The following KANK1 variants were observed in gnomAD, a reference collection of about 807,000 sequenced individuals.
KANK1 encodes the protein KN motif and ankyrin repeat domain-containing protein 1.
Under a neutral mutation model 106.2 loss-of-function variants are expected in KANK1, and 109 were observed. That is an observed-to-expected ratio of 1.03 (90% CI 0.88 to 1.20). The LOEUF is 1.20. Ranked by LOEUF, KANK1 falls within the 50% of genes most tolerant of loss-of-function variation. The probability of loss-of-function intolerance (pLI) is 0.00; values close to 1 mark genes in which losing one functional copy is unlikely to be tolerated. For synonymous variants in KANK1, 873 were observed against 652.2 expected, an observed-to-expected ratio of 1.34 and a Z score of -5.16; for missense variants, 2,399 against 1,710.7, an observed-to-expected ratio of 1.40 and a Z score of -7.10.
At chr9:719,650 C>A (rs962759848) in intron 3 of KANK1, among the ~76,000 whole-genome samples, 1 of 152,162 alleles carries the variant, frequency 6.6e-6, no homozygotes, top group Non-Finnish European at 1.5e-5. Context: ...TGGCTATATA[C>A]CAATAACTAA....
upstream of KANK1, among the ~76,000 whole-genome samples, chr9:504,060 G>A (rs1056545437): frequency 5.3e-5 from 8 of 152,132 alleles, no homozygotes; most frequent in African/African-American, 1.9e-4. Flanking sequence ...CCGTGCTGAC[G>A]AGGCACCTGC....
chr9:574,062 G>A (rs187181487), intron 1 of KANK1, among the ~76,000 whole-genome samples: 4 of 152,362 alleles, frequency 2.6e-5, no homozygotes, highest in Admixed American at 6.5e-5. Flanking sequence ...TGTCTTTATT[G>A]TACTGGAAGG....
rs1388278108 is a variant in KANK1, at chr9:711,565, A to G, written c.799A>G (p.Met267Val). The G allele has an allele frequency of 6.2e-7, 1 of 1,613,910 alleles. No homozygotes were observed. The highest frequency in any genetic ancestry group is 1.7e-5 in the Admixed American group (1 of 59,996). Residue 267 changes from methionine (M) to valine (V), a missense_variant, in exon 3 of 12, where the codon ATG (methionine) becomes GTG (valine). Met to Val is a conservative substitution (Grantham distance 21). Transcript: ENST00000382297. ...PMHLQHIREQ[M>V]AIALKRLKEL... ...GCACCTGCAGCACATCCGCGAGCAG[A>G]TGGCCATTGCTCTGAAACGCCTGAA...
chr9:741,566 G>C (rs1278267325), intron 9 of KANK1, among the ~76,000 whole-genome samples: 2 of 150,752 alleles, frequency 1.3e-5, no homozygotes, highest in Non-Finnish European at 3.0e-5. Context: ...TGGCTCACTG[G>C]AAGCTCTGCC....
At chr9:641,107 T>C (rs542734825) in intron 1 of KANK1, among the ~76,000 whole-genome samples, 1 of 152,274 alleles carries the variant, frequency 6.6e-6, no homozygotes, top group South Asian at 2.1e-4. Flanking sequence ...CAAACCAATT[T>C]TCCATTTATA....
chr9:544,091 G>A (rs1213252065), intron 1 of KANK1, among the ~76,000 whole-genome samples: 1 of 151,908 alleles, frequency 6.6e-6, no homozygotes, highest in Admixed American at 6.6e-5. Context: ...CATGACCATG[G>A]CTCACTGCAA....
intron 3 of KANK1, 104 bp from the exon 4 acceptor site, chr9:729,947 A>G (rs1589251627): frequency 5.0e-6 from 5 of 994,070 alleles, no homozygotes; most frequent in Non-Finnish European, 5.9e-6. Flanking sequence ...GGTGGCTGGG[A>G]TAATAGTCCC....
At chr9:656,193 G>A (rs1224800912) in intron 1 of KANK1, among the ~76,000 whole-genome samples, 3 of 152,156 alleles carry the variant, frequency 2.0e-5, no homozygotes, top group South Asian at 2.1e-4. Context: ...CTTTTATCTG[G>A]CAGGTCCCAC....
chr9:681,571 T>G (rs1817560380), intron 2 of KANK1, among the ~76,000 whole-genome samples: 1 of 152,176 alleles, frequency 6.6e-6, no homozygotes, highest in Admixed American at 6.5e-5. Flanking sequence ...CCTACCTTCT[T>G]CACAAGGTGG....
intron 1 of KANK1, among the ~76,000 whole-genome samples, chr9:607,709 G>A (rs1314806635): frequency 6.6e-6 from 1 of 151,520 alleles, no homozygotes; most frequent in African/African-American, 2.4e-5. Context: ...TTGCTGGCAG[G>A]GCTGTAAGAA....
intron 1 of KANK1, among the ~76,000 whole-genome samples, chr9:623,571 C>T (rs186391890): frequency 2.0e-5 from 3 of 149,902 alleles, no homozygotes; most frequent in Non-Finnish European, 3.0e-5. Context: ...TGCCACTGCC[C>T]TCCAGCCTGG....
chr9:654,264 G>C lies in KANK1; in HGVS notation c.-83-22626G>C, dbSNP rs115226436. Among the ~76,000 whole-genome samples, 899 of 152,304 alleles carry C rather than the reference G, an allele frequency of 5.9e-3. 18 individuals are homozygous for C. Among genetic ancestry groups the C allele is most frequent in the African/African-American group, 0.021 (879 of 41,550 alleles). ...TGCTGACATCACTGGTCCACGGCCA[G>C]ACTTTGAGAAACAGTGGCCCAGAGA... On this transcript the variant is annotated intron_variant, in intron 1 of 11. Transcript: ENST00000382297.
At chr9:681,719 C>T (rs1445284826) in intron 2 of KANK1, among the ~76,000 whole-genome samples, 2 of 152,136 alleles carry the variant, frequency 1.3e-5, no homozygotes, top group African/African-American at 4.8e-5. Flanking sequence ...TCCCAGGTAC[C>T]CTCATGTCAG....
At chr9:553,523 G>A (rs750372281) in intron 1 of KANK1, among the ~76,000 whole-genome samples, 14 of 152,160 alleles carry the variant, frequency 9.2e-5, no homozygotes, top group Admixed American at 5.2e-4. Flanking sequence ...TTGATCTTCC[G>A]CACCCTGTAG....
Position 585,828 on chromosome 9 carries a change from C to A in KANK1, c.-84+81074C>A, listed in dbSNP as rs377585556. Among the ~76,000 whole-genome samples the A allele has an allele frequency of 2.6e-5, 4 of 152,092 alleles. No homozygotes were observed. In the East Asian group the frequency reaches 5.8e-4, roughly 22 times the overall value. ...GTTTGTTCTTGGGAAAATGATCAGA[C>A]TAATCTGATTGAATAGAAGACGTTT... On this transcript the variant is annotated intron_variant, in intron 1 of 11. Transcript: ENST00000382297.
chr9:581,381 G>T, intron 1 of KANK1, among the ~76,000 whole-genome samples: 1 of 152,218 alleles, frequency 6.6e-6, no homozygotes, highest in Admixed American at 6.5e-5. Flanking sequence ...TTTGTGAAAT[G>T]CTTGCATGAT....
At chr9:649,910 G>A (rs1196339917) in intron 1 of KANK1, among the ~76,000 whole-genome samples, 6 of 152,140 alleles carry the variant, frequency 3.9e-5, no homozygotes, top group Non-Finnish European at 7.3e-5. Flanking sequence ...GCTTCTCTGC[G>A]TCATCCCCGT....
intron 5 of KANK1, chr9:732,092 A>G (rs1249979082): frequency 1.2e-5 from 3 of 250,888 alleles, no homozygotes; most frequent in African/African-American, 6.6e-5. Flanking sequence ...TGTTTTCCAT[A>G]AAGTATGTTT....
At chr9:735,412 C>T (rs1045840423) in intron 7 of KANK1, among the ~76,000 whole-genome samples, 12 of 152,164 alleles carry the variant, frequency 7.9e-5, no homozygotes, top group African/African-American at 2.9e-4. Flanking sequence ...ATGAATGGTA[C>T]AACATAGGAC....
Sources: allele counts gnomAD v4.1 joint callset (sites outside exome capture counted in the v4.1 genomes callset), GRCh38; gene constraint gnomAD v4.1.1; transcripts MANE v1.5; gene names NCBI Gene and HGNC (gene_info 2026-07-23, HGNC 2026-07-21).